CDC14A: variants seen among roughly 807,000 people sequenced by gnomAD.
CDC14A encodes the protein dual specificity protein phosphatase CDC14A.
A neutral mutation model predicts 74.4 loss-of-function variants in CDC14A; 53 were observed. The ratio of observed to expected loss-of-function variants is 0.71; its 90% CI spans 0.57 to 0.89. CDC14A has a LOEUF of 0.89. CDC14A is among the 40% of genes least tolerant of loss of function. The pLI is 0.00. For synonymous variants in CDC14A, 247 were observed against 258.4 expected, an observed-to-expected ratio of 0.96 and a Z score of 0.43; for missense variants, 646 against 713.7, an observed-to-expected ratio of 0.91 and a Z score of 1.08.
chr1:100,439,871 A>G (rs1664737750), intron 5 of CDC14A, 61 bp from the exon 6 acceptor site: 2 of 1,231,046 alleles, frequency 1.6e-6, no homozygotes, highest in East Asian at 2.3e-5. Flanking sequence ...TTGGTGTTAT[A>G]TTTTATTATT....
At chr1:100,510,980 C>T (rs981964313) in intron 15 of CDC14A, among the ~76,000 whole-genome samples, 5 of 152,208 alleles carry the variant, frequency 3.3e-5, no homozygotes, top group Non-Finnish European at 7.3e-5. Context: ...TCTAACTTCC[C>T]TCTTCTCTGT....
upstream of CDC14A, chr1:100,352,414 G>A (rs534360414): frequency 1.9e-5 from 19 of 978,594 alleles, no homozygotes; most frequent in South Asian, 7.4e-4. Context: ...AGGGGGCTGA[G>A]GGAGGGCGGG....
chr1:100,468,843 ACTAT>A (rs1415008530), intron 10 of CDC14A, among the ~76,000 whole-genome samples: 2 of 152,310 alleles, frequency 1.3e-5, no homozygotes, highest in South Asian at 2.1e-4. Flanking sequence ...GCTCTAAAAT[ACTAT>A]CTATTAGTGA....
At chr1:100,493,205 G>T (rs1323735578) in intron 11 of CDC14A, among the ~76,000 whole-genome samples, 1 of 152,104 alleles carries the variant, frequency 6.6e-6, no homozygotes, top group Non-Finnish European at 1.5e-5. Context: ...AGCTTTCCTG[G>T]TACAAAAGCA....
chr1:100,443,582 G>T (rs1202719299), intron 7 of CDC14A, among the ~76,000 whole-genome samples: 2 of 151,430 alleles, frequency 1.3e-5, no homozygotes, highest in Non-Finnish European at 2.9e-5. Flanking sequence ...TGATCCTCTT[G>T]CCTCGGCCTC....
chr1:100,429,203 C>CG (rs1663316436), intron 5 of CDC14A, among the ~76,000 whole-genome samples: 1 of 6,158 alleles, frequency 1.6e-4, no homozygotes. Flanking sequence ...GACTCCATCT[C>CG]AAAAAATAAA....
chr1:100,451,087 G>T (rs1262179183), intron 7 of CDC14A, among the ~76,000 whole-genome samples: 1 of 152,142 alleles, frequency 6.6e-6, no homozygotes, highest in African/African-American at 2.4e-5. Flanking sequence ...ATTTGCTGGG[G>T]TTCTTGAGGA....
intron 4 of CDC14A, among the ~76,000 whole-genome samples, chr1:100,403,014 T>G (rs911008186): frequency 6.6e-6 from 1 of 152,212 alleles, no homozygotes; most frequent in Admixed American, 6.5e-5. Context: ...GTTGTTCTCA[T>G]GTTTACTTTG....
intron 12 of CDC14A, among the ~76,000 whole-genome samples, chr1:100,495,615 CA>C (rs1488099297): frequency 3.3e-5 from 5 of 152,144 alleles, no homozygotes; most frequent in Admixed American, 2.6e-4. Flanking sequence ...TAAGCAGCAA[CA>C]TTTTTTTGAC....
At chr1:100,426,200 C>T (rs1662940356) in intron 5 of CDC14A, among the ~76,000 whole-genome samples, 1 of 152,158 alleles carries the variant, frequency 6.6e-6, no homozygotes. Context: ...GCAACCTCTG[C>T]CTCCTGGGTT....
At chr1:100,428,949 T>A (rs181384762) in intron 5 of CDC14A, among the ~76,000 whole-genome samples, 389 of 152,214 alleles carry the variant, frequency 2.6e-3, no homozygotes, top group Non-Finnish European at 4.2e-3. Flanking sequence ...GGCTCACGCC[T>A]GTAATCCCAG....
intron 3 of CDC14A, among the ~76,000 whole-genome samples, chr1:100,378,169 A>G (rs181382404): frequency 1.9e-3 from 295 of 152,326 alleles, no homozygotes; most frequent in Non-Finnish European, 3.2e-3. Flanking sequence ...GTATTCATCT[A>G]TAGTTTTGAT....
chr1:100,379,926 C>T (rs1197427135), intron 3 of CDC14A, among the ~76,000 whole-genome samples: 3 of 152,174 alleles, frequency 2.0e-5, no homozygotes, highest in Admixed American at 2.0e-4. Context: ...CCCACTCAAT[C>T]CCCTCAGAAT....
In CDC14A at chr1:100,352,930, C is replaced by T; in HGVS notation, c.-25C>T. On this transcript the variant is annotated 5_prime_UTR_variant, in exon 1 of 16. Transcript: ENST00000336454. Reference sequence around the variant, plus strand: ...GACTTCAGCTGGCCACGACCCAGCCCTCCCCCGTGCGTATCTCGCTTAAGA... The same window carrying T: ...GACTTCAGCTGGCCACGACCCAGCCTTCCCCCGTGCGTATCTCGCTTAAGA... The T allele has an allele frequency of 1.2e-6, 2 of 1,613,638 alleles. No individual in the cohort carries two copies. Among genetic ancestry groups the T allele is most frequent in the Non-Finnish European group, 1.7e-6 (2 of 1,179,972 alleles).
chr1:100,369,830 T>A (rs552417327), intron 2 of CDC14A, among the ~76,000 whole-genome samples: 18 of 122,324 alleles, frequency 1.5e-4, no homozygotes, highest in South Asian at 6.6e-4. Flanking sequence ...CTTCTAAAAA[T>A]TTTTTTTTTT....
At chr1:100,363,510 A>G (rs1364978873) in intron 2 of CDC14A, among the ~76,000 whole-genome samples, 2 of 152,208 alleles carry the variant, frequency 1.3e-5, no homozygotes, top group Non-Finnish European at 2.9e-5. Context: ...TGTGTAAACT[A>G]TAAATTTGAA....
intron 2 of CDC14A, among the ~76,000 whole-genome samples, chr1:100,354,089 C>A (rs924099768): frequency 9.9e-5 from 15 of 152,188 alleles, no homozygotes; most frequent in African/African-American, 2.9e-4. Context: ...CCTACCACCA[C>A]AACAAACAGC....
chr1:100,410,702 C>T (rs993762452), intron 4 of CDC14A, among the ~76,000 whole-genome samples: 2 of 152,202 alleles, frequency 1.3e-5, no homozygotes, highest in Non-Finnish European at 2.9e-5. Context: ...AGACTTTACA[C>T]ATGTGTACTG....
At chr1:100,438,636 C>T (rs1664600943) in intron 5 of CDC14A, among the ~76,000 whole-genome samples, 1 of 152,174 alleles carries the variant, frequency 6.6e-6, no homozygotes. Context: ...TGAAATGAGA[C>T]ATAAATATTT....
Sources: allele counts gnomAD v4.1 joint callset (sites outside exome capture counted in the v4.1 genomes callset), GRCh38; gene constraint gnomAD v4.1.1; transcripts MANE v1.5; gene names NCBI Gene and HGNC (gene_info 2026-07-23, HGNC 2026-07-21).